The following PPP2R2B variants were observed in gnomAD, a reference collection of about 807,000 sequenced individuals.
The protein encoded by PPP2R2B is protein phosphatase 2 regulatory subunit Bbeta, also known as serine/threonine-protein phosphatase 2A 55 kDa regulatory subunit B beta isoform.
In PPP2R2B, 5 loss-of-function variants were observed where a neutral mutation model predicts 46.0. That is an observed-to-expected ratio of 0.11 (90% CI 0.06 to 0.23). The LOEUF (loss-of-function observed/expected upper bound fraction) is 0.23, where lower values mean the gene tolerates loss of function less well. Ranked by LOEUF, PPP2R2B falls within the 10% of genes least tolerant of loss-of-function variation. The probability of loss-of-function intolerance (pLI) is 1.00; values close to 1 mark genes in which losing one functional copy is unlikely to be tolerated. For missense variants in PPP2R2B, 367 were observed against 575.0 expected (o/e 0.64, Z 3.70); for synonymous variants, 215 against 206.7 (o/e 1.04, Z -0.34).
intron 1 of PPP2R2B, among the ~76,000 whole-genome samples, chr5:146,893,495 C>T (rs778788718): frequency 9.2e-5 from 14 of 152,142 alleles, no homozygotes; most frequent in Non-Finnish European, 2.1e-4. Context: ...GTGTCATGTC[C>T]TATAAATCCC....
At chr5:146,819,402 T>C (rs1326109793) in intron 2 of PPP2R2B, among the ~76,000 whole-genome samples, 2 of 152,098 alleles carry the variant, frequency 1.3e-5, no homozygotes, top group Admixed American at 1.3e-4. Context: ...TGGGGTGGGA[T>C]GGGAGTATGC....
At chr5:146,730,858 TAA>T (rs1008795468) in intron 2 of PPP2R2B, among the ~76,000 whole-genome samples, 7 of 152,080 alleles carry the variant, frequency 4.6e-5, no homozygotes, top group Non-Finnish European at 1.0e-4. Flanking sequence ...CTTATATCAT[TAA>T]AAAGAGAGGT....
intron 1 of PPP2R2B, among the ~76,000 whole-genome samples, chr5:147,054,070 G>C (rs1349703005): frequency 6.6e-6 from 1 of 152,192 alleles, no homozygotes; most frequent in Non-Finnish European, 1.5e-5. Context: ...TAAGCAAAAT[G>C]AGGTTTCCAT....
At chr5:146,837,578 T>C (rs1348094043) in intron 2 of PPP2R2B, among the ~76,000 whole-genome samples, 7 of 152,162 alleles carry the variant, frequency 4.6e-5, no homozygotes, top group Non-Finnish European at 1.0e-4. Context: ...AGCAGCCACA[T>C]TAAAAAGTAA....
At chr5:147,001,909 G>C (rs1044941554) in intron 1 of PPP2R2B, among the ~76,000 whole-genome samples, 1 of 152,090 alleles carries the variant, frequency 6.6e-6, no homozygotes, top group South Asian at 2.1e-4. Context: ...CTGAGCCAAG[G>C]GTCAACAGAG....
At chr5:146,796,419 G>A (rs929183452) in intron 2 of PPP2R2B, among the ~76,000 whole-genome samples, 32 of 152,114 alleles carry the variant, frequency 2.1e-4, no homozygotes, top group African/African-American at 3.4e-4. Context: ...CACCACTTCC[G>A]TGGCATCTGA....
intron 2 of PPP2R2B, among the ~76,000 whole-genome samples, chr5:146,819,835 A>G (rs1344732721): frequency 6.6e-6 from 1 of 152,222 alleles, no homozygotes; most frequent in Non-Finnish European, 1.5e-5. Context: ...CTGCAACTCC[A>G]TTCACAATAG....
chr5:146,881,691 C>T (rs1002185681), upstream of PPP2R2B, among the ~76,000 whole-genome samples: 7 of 152,174 alleles, frequency 4.6e-5, no homozygotes, highest in Non-Finnish European at 7.3e-5. Context: ...GGATTACTGG[C>T]GTGAGCCACC....
chr5:147,058,248 C>T (rs773590890), upstream of PPP2R2B, among the ~76,000 whole-genome samples: 11 of 152,168 alleles, frequency 7.2e-5, no homozygotes, highest in South Asian at 2.1e-4. Flanking sequence ...AGGTCCTTTA[C>T]AGCACAAATG....
intron 1 of PPP2R2B, among the ~76,000 whole-genome samples, chr5:147,046,898 C>A (rs1488136967): frequency 6.6e-6 from 1 of 152,142 alleles, no homozygotes; most frequent in African/African-American, 2.4e-5. Context: ...ACTAGAAACT[C>A]CTGCAAATGG....
chr5:146,947,247 A>G (rs1025799370), intron 1 of PPP2R2B, among the ~76,000 whole-genome samples: 2 of 152,214 alleles, frequency 1.3e-5, no homozygotes, highest in Non-Finnish European at 2.9e-5. Context: ...TTGTGACAAC[A>G]GCACCCCAAT....
intron 7 of PPP2R2B, among the ~76,000 whole-genome samples, chr5:146,603,440 C>A (rs1010661914): frequency 3.7e-4 from 56 of 152,188 alleles, no homozygotes; most frequent in Admixed American, 2.4e-3. Flanking sequence ...GCCAGTGCAG[C>A]AACACTGTAA....
chr5:146,836,170 C>T (rs373680855), intron 2 of PPP2R2B, among the ~76,000 whole-genome samples: 42 of 152,296 alleles, frequency 2.8e-4, no homozygotes, highest in African/African-American at 9.9e-4. Flanking sequence ...ATGCCCTCCC[C>T]ATGCAGCTGC....
chr5:146,858,363 A>T (rs75565236), intron 2 of PPP2R2B, among the ~76,000 whole-genome samples: 1,943 of 152,244 alleles, frequency 0.013, 46 homozygotes, highest in African/African-American at 0.045. Flanking sequence ...CCAACTACTC[A>T]CTGAATGTTT....
In PPP2R2B at chr5:146,895,213, C is replaced by G. The variant is rs140040468; in HGVS notation, c.79+160452G>C. Among the ~76,000 whole-genome samples the G allele has an allele frequency of 9.8e-3, 1,494 of 152,266 alleles. 17 individuals are homozygous for G. The highest frequency in any genetic ancestry group is 0.034 in the African/African-American group (1,412 of 41,550). ...TCCAGAGTGTTTCTTCTTCATTCACCCACAGTTAATATCTCTTTATCCTTC... is the reference window on the plus strand; with the variant it reads ...TCCAGAGTGTTTCTTCTTCATTCACGCACAGTTAATATCTCTTTATCCTTC... On this transcript the variant is annotated intron_variant, in intron 1 of 8. Transcript: ENST00000336640.
chr5:146,956,220 T>C (rs927295471), intron 1 of PPP2R2B, among the ~76,000 whole-genome samples: 2 of 125,070 alleles, frequency 1.6e-5, no homozygotes, highest in Non-Finnish European at 3.7e-5. Context: ...TTTTCTCCCA[T>C]CAAATTTCCA....
At chr5:146,954,630 C>T (rs1305372064) in intron 1 of PPP2R2B, among the ~76,000 whole-genome samples, 1 of 152,054 alleles carries the variant, frequency 6.6e-6, no homozygotes, top group Non-Finnish European at 1.5e-5. Context: ...GGTAACCAAA[C>T]ACCACCATTC....
At position 146,590,305 on chromosome 5, in the gene PPP2R2B, A is replaced by C. The variant is rs191541693; in HGVS notation, c.1053-79T>G. The C allele has an allele frequency of 7.5e-3, 10,828 of 1,435,568 alleles. 52 individuals carry two copies. The highest frequency in any genetic ancestry group is 8.4e-3 in the Non-Finnish European group (8,851 of 1,051,960). 88.9% of individuals were successfully genotyped at this position (1,435,568 alleles called of 1,614,324 possible). Reference sequence around the variant, plus strand: ...GAGCAAATGATACCATGTTATGGCCAGCTTATGACACCATAGGTTTTATTA... The same window carrying C: ...GAGCAAATGATACCATGTTATGGCCCGCTTATGACACCATAGGTTTTATTA... On this transcript the variant is annotated intron_variant, in intron 9 of 9. Coordinates refer to ENST00000394411, the MANE Select transcript of PPP2R2B (RefSeq NM_181675.4).
At chr5:146,660,008 G>A (rs1405321634) in intron 5 of PPP2R2B, among the ~76,000 whole-genome samples, 2 of 152,298 alleles carry the variant, frequency 1.3e-5, no homozygotes, top group African/African-American at 4.8e-5. Context: ...GGAATGATTG[G>A]TCATTGGATA....
Sources: allele counts gnomAD v4.1 joint callset (sites outside exome capture counted in the v4.1 genomes callset), GRCh38; gene constraint gnomAD v4.1.1; transcripts MANE v1.5; gene names NCBI Gene and HGNC (gene_info 2026-07-23, HGNC 2026-07-21).